MYO3B: variants seen among roughly 807,000 people sequenced by gnomAD.
MYO3B encodes myosin IIIB, also known as myosin-IIIb.
Under a neutral mutation model 174.6 loss-of-function variants are expected in MYO3B, and 156 were observed. That is an observed-to-expected ratio of 0.89 (90% CI 0.78 to 1.02). MYO3B has a LOEUF of 1.02. Among genes scored for constraint, MYO3B ranks in the 50% least tolerant of loss-of-function variants. The probability of loss-of-function intolerance (pLI) is 0.00; values close to 1 mark genes in which losing one functional copy is unlikely to be tolerated. For synonymous variants in MYO3B, 563 were observed against 569.1 expected, an observed-to-expected ratio of 0.99 and a Z score of 0.15; for missense variants, 1,632 against 1,639.4, an observed-to-expected ratio of 1.00 and a Z score of 0.08.
intron 32 of MYO3B, among the ~76,000 whole-genome samples, chr2:170,572,859 T>C (rs11693682): frequency 0.049 from 7,479 of 152,270 alleles, 237 homozygotes; most frequent in Middle Eastern, 0.15. Context: ...TTCTCACTTA[T>C]TCCAGACCAA....
chr2:170,479,374 AAT>A (rs1467525900), intron 25 of MYO3B, among the ~76,000 whole-genome samples: 1 of 146,944 alleles, frequency 6.8e-6, no homozygotes, highest in Non-Finnish European at 1.5e-5. Flanking sequence ...ATATAAAAAT[AAT>A]ATATAGAATA....
At chr2:170,544,663 T>A (rs1219118467) in intron 32 of MYO3B, among the ~76,000 whole-genome samples, 1 of 152,228 alleles carries the variant, frequency 6.6e-6, no homozygotes, top group East Asian at 1.9e-4. Context: ...CTCAGATCTC[T>A]TCAATTTTCT....
intron 28 of MYO3B, among the ~76,000 whole-genome samples, chr2:170,510,499 G>A (rs1687908450): frequency 6.6e-6 from 1 of 152,174 alleles, no homozygotes; most frequent in Non-Finnish European, 1.5e-5. Flanking sequence ...CTTTTAAGGG[G>A]GGTGTGTCAG....
intron 30 of MYO3B, among the ~76,000 whole-genome samples, chr2:170,526,337 G>C (rs1354231631): frequency 6.6e-6 from 1 of 152,200 alleles, no homozygotes; most frequent in African/African-American, 2.4e-5. Context: ...GATAGAAGTA[G>C]CAGCAATAAT....
At chr2:170,360,081 C>G (rs1268733370) in intron 8 of MYO3B, among the ~76,000 whole-genome samples, 5 of 152,092 alleles carry the variant, frequency 3.3e-5, no homozygotes, top group Non-Finnish European at 7.4e-5. Context: ...TCTCTTAGCC[C>G]CAACCCCAGT....
chr2:170,524,466 TG>T, intron 30 of MYO3B: 2 of 432,472 alleles, frequency 4.6e-6, no homozygotes, highest in East Asian at 7.6e-5. Flanking sequence ...AGCAATTTCC[TG>T]GGCACTGTGC....
chr2:170,509,816 G>T (rs1321036267), intron 28 of MYO3B, among the ~76,000 whole-genome samples: 1 of 152,196 alleles, frequency 6.6e-6, no homozygotes, highest in Non-Finnish European at 1.5e-5. Flanking sequence ...TTGCCTTCTG[G>T]TGTGGAAAGC....
chr2:170,633,836 A>C (rs1697234896), intron 32 of MYO3B, among the ~76,000 whole-genome samples: 1 of 152,206 alleles, frequency 6.6e-6, no homozygotes, highest in South Asian at 2.1e-4. Flanking sequence ...ACAAACAGAG[A>C]GCCAAATCAT....
intron 3 of MYO3B, among the ~76,000 whole-genome samples, chr2:170,209,738 GT>G (rs1309521570): frequency 2.6e-5 from 4 of 152,128 alleles, no homozygotes; most frequent in Non-Finnish European, 4.4e-5. Flanking sequence ...AAGAAGTCTG[GT>G]TTACAATAAC....
At chr2:170,271,302 TACAC>T (rs1441528022) in intron 7 of MYO3B, among the ~76,000 whole-genome samples, 1 of 152,204 alleles carries the variant, frequency 6.6e-6, no homozygotes, top group African/African-American at 2.4e-5. Context: ...TTTTAAATAA[TACAC>T]ACATTTCCTT....
intron 30 of MYO3B, among the ~76,000 whole-genome samples, chr2:170,534,491 G>A (rs562465591): frequency 8.5e-5 from 13 of 152,236 alleles, no homozygotes; most frequent in African/African-American, 2.9e-4. Context: ...TGTCACCCAG[G>A]CTGGAGTGCA....
chr2:170,382,293 T>C, intron 10 of MYO3B, 181 bp downstream of exon 10: 1 of 492,938 alleles, frequency 2.0e-6, no homozygotes, highest in Non-Finnish European at 3.7e-6. Flanking sequence ...CTGTGTTTAT[T>C]TAGATAGCCC....
intron 1 of MYO3B, among the ~76,000 whole-genome samples, chr2:170,194,667 G>C (rs2092578596): frequency 6.6e-6 from 1 of 152,136 alleles, no homozygotes; most frequent in African/African-American, 2.4e-5. Flanking sequence ...GGGTTCTCTA[G>C]AGGGACAGAA....
Position 170,501,805 on chromosome 2 carries a change from C to A in MYO3B, c.3310C>A (p.Arg1104=). The change falls in exon 28 of 35, where the codon CGG becomes AGG. Residue 1104 remains arginine, a synonymous_variant. Transcript: ENST00000408978. Reference sequence around the variant, plus strand: ...TTTAGCCTGGAGAGGATATGATGCTCGGAGGAAATTTAAGAAAATAAGCAA... The same window carrying A: ...TTTAGCCTGGAGAGGATATGATGCTAGGAGGAAATTTAAGAAAATAAGCAA... ...IQSAWRGYDA[R]RKFKKISNRR... 1.2e-6 allele frequency: 2 copies of A among 1,611,664 alleles called. No homozygotes were observed. Among genetic ancestry groups the A allele is most frequent in the South Asian group, 2.2e-5 (2 of 90,950 alleles).
intron 1 of MYO3B, among the ~76,000 whole-genome samples, chr2:170,186,306 G>GT (rs34887598): frequency 0.42 from 64,521 of 151,814 alleles, 15,065 homozygotes; most frequent in East Asian, 0.57. Context: ...TCTATACCCA[G>GT]TTTTTTTTAG....
At chr2:170,395,252 G>A (rs529482318) in intron 16 of MYO3B, among the ~76,000 whole-genome samples, 7 of 152,272 alleles carry the variant, frequency 4.6e-5, no homozygotes, top group African/African-American at 1.7e-4. Flanking sequence ...TGAAGATTGT[G>A]CTTTTCAACT....
chr2:170,399,273 G>C (rs1461430238), intron 16 of MYO3B, among the ~76,000 whole-genome samples: 2 of 67,902 alleles, frequency 2.9e-5, no homozygotes, highest in Non-Finnish European at 7.3e-5. Context: ...AAAAGAGAGA[G>C]ACCAGTCTGG....
At chr2:170,405,216 T>C (rs1430322142) in intron 20 of MYO3B, among the ~76,000 whole-genome samples, 3 of 152,212 alleles carry the variant, frequency 2.0e-5, no homozygotes, top group Non-Finnish European at 4.4e-5. Context: ...TATAACATTG[T>C]CACAAGTTGT....
At chr2:170,182,322 T>A (rs925609726) in intron 1 of MYO3B, among the ~76,000 whole-genome samples, 2 of 152,160 alleles carry the variant, frequency 1.3e-5, no homozygotes, top group East Asian at 1.9e-4. Flanking sequence ...CTGGCTTAAC[T>A]TTTTTTCTGA....
Sources: allele counts gnomAD v4.1 joint callset (sites outside exome capture counted in the v4.1 genomes callset), GRCh38; gene constraint gnomAD v4.1.1; transcripts MANE v1.5; gene names NCBI Gene and HGNC (gene_info 2026-07-23, HGNC 2026-07-21).